Variants in ZNF804B observed in about 807,000 individuals in gnomAD.
ZNF804B encodes the protein zinc finger protein 804B.
In ZNF804B, 80 loss-of-function variants were observed where a neutral mutation model predicts 101.4. The ratio of observed to expected loss-of-function variants is 0.79; its 90% CI spans 0.66 to 0.95. ZNF804B has a LOEUF of 0.95. ZNF804B is among the 40% of genes least tolerant of loss of function. The probability of loss-of-function intolerance (pLI) is 0.00; values close to 1 mark genes in which losing one functional copy is unlikely to be tolerated. For synonymous variants in ZNF804B, 622 were observed against 558.8 expected, an observed-to-expected ratio of 1.11 and a Z score of -1.59; for missense variants, 1,673 against 1,561.9, an observed-to-expected ratio of 1.07 and a Z score of -1.20.
intron 1 of ZNF804B, among the ~76,000 whole-genome samples, chr7:88,854,286 T>G (rs946270326): frequency 4.6e-5 from 7 of 152,142 alleles, no homozygotes; most frequent in African/African-American, 1.7e-4. Flanking sequence ...ATCGTTTGGC[T>G]AATTTCACAC....
At chr7:88,802,642 A>G (rs1271585756) in intron 1 of ZNF804B, among the ~76,000 whole-genome samples, 1 of 152,018 alleles carries the variant, frequency 6.6e-6, no homozygotes, top group African/African-American at 2.4e-5. Flanking sequence ...TAATTTGCCT[A>G]TATAATTTTT....
intron 1 of ZNF804B, among the ~76,000 whole-genome samples, chr7:89,161,628 A>ATGGGGTT (rs1791066186): frequency 1.0e-5 from 1 of 97,252 alleles, no homozygotes; most frequent in African/African-American, 3.3e-5. Flanking sequence ...GGCTCAAGCG[A>ATGGGGTT]TCCTCCCACC....
intron 1 of ZNF804B, among the ~76,000 whole-genome samples, chr7:89,061,007 T>G (rs1789371269): frequency 1.3e-5 from 2 of 152,136 alleles, no homozygotes; most frequent in African/African-American, 4.8e-5. Context: ...AACACAGTTA[T>G]AAAGCTGGGT....
chr7:88,997,887 C>T lies in ZNF804B; in HGVS notation c.109-220268C>T, dbSNP rs116767687. Among the ~76,000 whole-genome samples, 528 of 152,202 alleles carry T rather than the reference C, an allele frequency of 3.5e-3. 2 individuals are homozygous for T. The highest frequency in any genetic ancestry group is 0.012 in the African/African-American group (512 of 41,550). The stretch of plus-strand genomic sequence containing the variant: ...TGAAATCCTCTCAAATATTTATGAT[C>T]TATCCCTTTTCAGAATGCTAGTAAC... On this transcript the variant is annotated intron_variant, in intron 1 of 3. Transcript: ENST00000333190.
intron 1 of ZNF804B, among the ~76,000 whole-genome samples, chr7:89,070,398 G>A (rs1217507077): frequency 1.3e-5 from 2 of 152,040 alleles, no homozygotes; most frequent in Non-Finnish European, 2.9e-5. Flanking sequence ...ACCTGGAGGT[G>A]CCCCCAGGTC....
At chr7:89,175,807 G>A (rs940949693) in intron 1 of ZNF804B, among the ~76,000 whole-genome samples, 7 of 151,582 alleles carry the variant, frequency 4.6e-5, no homozygotes, top group African/African-American at 1.7e-4. Flanking sequence ...TGTATTCCTA[G>A]GTATTTTATT....
intron 2 of ZNF804B, among the ~76,000 whole-genome samples, chr7:89,256,914 C>T (rs925019561): frequency 1.3e-5 from 2 of 152,140 alleles, no homozygotes; most frequent in Admixed American, 6.5e-5. Context: ...GGTGTGTTTA[C>T]AATTATTCTC....
rs55857746 is a variant in ZNF804B at position 89,171,277 on chromosome 7, A to ATGCTGC, written c.109-46870_109-46865dup. Among the ~76,000 whole-genome samples the ATGCTGC allele has an allele frequency of 3.2e-3, 356 of 110,282 alleles. 6 individuals carry two copies. Among genetic ancestry groups the ATGCTGC allele is most frequent in the African/African-American group, 0.011 (305 of 28,344 alleles). The allele number at this position is 110,282 out of a possible 152,430, so 72.3% of individuals were successfully genotyped here. On this transcript the variant is annotated intron_variant, in intron 1 of 3. Transcript: ENST00000333190. ...TAACTCAATGAAGTAGGCACAAATA[A>ATGCTGC]TGCTGCTGCTGCTTCTTCTTCTTCT...
intron 1 of ZNF804B, among the ~76,000 whole-genome samples, chr7:89,167,353 G>T (rs1210872733): frequency 2.0e-5 from 3 of 151,866 alleles, no homozygotes; most frequent in Non-Finnish European, 2.9e-5. Context: ...TGAGGCAGGA[G>T]AATTGCTGGA....
At chr7:88,783,032 G>A (rs1250717701) in intron 1 of ZNF804B, among the ~76,000 whole-genome samples, 1 of 152,054 alleles carries the variant, frequency 6.6e-6, no homozygotes, top group Non-Finnish European at 1.5e-5. Flanking sequence ...TTCCCTTTAT[G>A]TGGTAAAAGG....
intron 2 of ZNF804B, among the ~76,000 whole-genome samples, chr7:89,257,314 A>G (rs920105914): frequency 1.3e-5 from 2 of 152,118 alleles, no homozygotes; most frequent in African/African-American, 4.8e-5. Context: ...ATTATATGTA[A>G]AGTTCTGCAT....
chr7:88,868,854 A>G (rs996888333), intron 1 of ZNF804B, among the ~76,000 whole-genome samples: 3 of 152,238 alleles, frequency 2.0e-5, no homozygotes, highest in Non-Finnish European at 4.4e-5. Context: ...CTTAGGTGTC[A>G]GTTCCTCCTG....
chr7:88,878,800 T>C (rs1791989512), intron 1 of ZNF804B, among the ~76,000 whole-genome samples: 2 of 152,214 alleles, frequency 1.3e-5, no homozygotes, highest in Non-Finnish European at 2.9e-5. Context: ...TTTGTAAAAC[T>C]TTAAATGTAT....
intron 1 of ZNF804B, among the ~76,000 whole-genome samples, chr7:88,764,152 T>C (rs1337696055): frequency 1.3e-5 from 2 of 152,312 alleles, no homozygotes; most frequent in East Asian, 1.9e-4. Flanking sequence ...CTCAAGTTTA[T>C]ATTCGAATGT....
Position 88,808,047 on chromosome 7 carries a change from G to C in ZNF804B, c.108+47963G>C, listed in dbSNP as rs142757967. 2.6e-5 allele frequency among the ~76,000 whole-genome samples: 4 copies of C among 152,100 alleles called. No homozygotes were observed. In the South Asian group the frequency reaches 8.3e-4, roughly 31 times the overall value. On this transcript the variant is annotated intron_variant, in intron 1 of 3. Transcript: ENST00000333190. ...GAACCTCAAATGACACCACATTGAA[G>C]GCCCAGCAATCAGGCTTACATTCAA...
chr7:88,833,968 G>GA (rs540861526), intron 1 of ZNF804B, among the ~76,000 whole-genome samples: 267 of 151,684 alleles, frequency 1.8e-3, no homozygotes, highest in South Asian at 7.1e-3. Flanking sequence ...ATTAAAAAAA[G>GA]AAAAAACAAT....
At chr7:89,244,064 A>G (rs376511745) in intron 2 of ZNF804B, among the ~76,000 whole-genome samples, 1 of 151,990 alleles carries the variant, frequency 6.6e-6, no homozygotes, top group Non-Finnish European at 1.5e-5. Context: ...TCATTTTTGT[A>G]TAATGTGGTT....
At chr7:88,892,028 C>A (rs987893343) in intron 1 of ZNF804B, among the ~76,000 whole-genome samples, 2 of 152,056 alleles carry the variant, frequency 1.3e-5, no homozygotes, top group Admixed American at 1.3e-4. Flanking sequence ...TAAAGTTATA[C>A]AATATTTTTA....
chr7:89,150,549 A>G (rs1289924833), intron 1 of ZNF804B, among the ~76,000 whole-genome samples: 1 of 152,152 alleles, frequency 6.6e-6, no homozygotes, highest in Non-Finnish European at 1.5e-5. Context: ...CCCTGTCTGC[A>G]TTCCATTTCA....
Sources: allele counts gnomAD v4.1 joint callset (sites outside exome capture counted in the v4.1 genomes callset), GRCh38; gene constraint gnomAD v4.1.1; transcripts MANE v1.5; gene names NCBI Gene and HGNC (gene_info 2026-07-23, HGNC 2026-07-21).